Variants in VIPR2 observed in about 807,000 individuals in gnomAD.
VIPR2 encodes vasoactive intestinal polypeptide receptor 2.
A neutral mutation model predicts 58.0 loss-of-function variants in VIPR2; 48 were observed. That is an observed-to-expected ratio of 0.83 (90% CI 0.66 to 1.05). The LOEUF (loss-of-function observed/expected upper bound fraction) is 1.05, where lower values mean the gene tolerates loss of function less well. Ranked by LOEUF, VIPR2 falls within the 50% of genes least tolerant of loss-of-function variation. VIPR2 has a pLI of 0.00. For missense variants in VIPR2, 534 were observed against 558.0 expected, an observed-to-expected ratio of 0.96 and a Z score of 0.43; for synonymous variants, 243 against 235.2, an observed-to-expected ratio of 1.03 and a Z score of -0.30.
intron 2 of VIPR2, among the ~76,000 whole-genome samples, chr7:159,111,480 G>C (rs1783177024): frequency 6.6e-6 from 1 of 152,090 alleles, no homozygotes; most frequent in African/African-American, 2.4e-5. Context: ...AGGAGTGTGA[G>C]AACAGCCTGG....
chr7:159,030,928 G>GA (rs1302723027), intron 12 of VIPR2, 139 bp from the exon 13 acceptor site: 2 of 1,202,790 alleles, frequency 1.7e-6, no homozygotes, highest in Non-Finnish European at 2.2e-6. Context: ...GACAGAAACA[G>GA]AAACGGCCTT....
intron 4 of VIPR2, among the ~76,000 whole-genome samples, chr7:159,088,748 A>G (rs1857321083): frequency 6.6e-6 from 1 of 152,258 alleles, no homozygotes. Context: ...TGAGCTCCGG[A>G]GTCCATTCAG....
At chr7:159,039,897 G>A (rs530158944) in intron 6 of VIPR2, among the ~76,000 whole-genome samples, 3 of 152,294 alleles carry the variant, frequency 2.0e-5, no homozygotes, top group Admixed American at 1.3e-4. Context: ...TGCAGAGCAG[G>A]CCCCATACCA....
At chr7:159,075,738 A>G (rs1484799248) in intron 4 of VIPR2, among the ~76,000 whole-genome samples, 1 of 147,984 alleles carries the variant, frequency 6.8e-6, no homozygotes, top group Admixed American at 6.7e-5. Flanking sequence ...GCACCCACGG[A>G]CCCACTGCAT....
chr7:159,135,621 G>A (rs1425178493), intron 2 of VIPR2, among the ~76,000 whole-genome samples: 4 of 150,590 alleles, frequency 2.7e-5, no homozygotes, highest in Non-Finnish European at 4.4e-5. Context: ...TCAGGAGTTC[G>A]AGACCAGCCT....
At chr7:159,108,557 A>G (rs963481404) in intron 3 of VIPR2, among the ~76,000 whole-genome samples, 5 of 152,190 alleles carry the variant, frequency 3.3e-5, no homozygotes, top group Admixed American at 2.0e-4. Context: ...CCCAAAGCCA[A>G]CTGGGAGTTT....
intron 4 of VIPR2, among the ~76,000 whole-genome samples, chr7:159,088,484 C>T (rs1857304784): frequency 6.6e-6 from 1 of 152,032 alleles, no homozygotes; most frequent in Non-Finnish European, 1.5e-5. Flanking sequence ...CACCGCAGCA[C>T]ACCCGTATAC....
intron 2 of VIPR2, 84 bp downstream of exon 2, chr7:159,142,362 G>C: frequency 1.1e-6 from 1 of 904,152 alleles, no homozygotes; most frequent in Non-Finnish European, 1.7e-6. Flanking sequence ...AGATGCAGGT[G>C]GTGACCCTGA....
intron 4 of VIPR2, among the ~76,000 whole-genome samples, chr7:159,070,284 C>T (rs138042033): frequency 0.023 from 3,488 of 152,242 alleles, 147 homozygotes; most frequent in African/African-American, 0.08. Context: ...ACGGAGGACT[C>T]CGCACACGAC....
intron 1 of VIPR2, 40 bp downstream of exon 1, chr7:159,144,681 G>A (rs1797619106): frequency 8.2e-6 from 11 of 1,342,296 alleles, no homozygotes; most frequent in Middle Eastern, 2.7e-4. Flanking sequence ...GGAGAACCGG[G>A]TCCGAGGCGC....
intron 2 of VIPR2, among the ~76,000 whole-genome samples, chr7:159,118,460 G>C (rs1398880880): frequency 6.6e-6 from 1 of 152,204 alleles, no homozygotes; most frequent in African/African-American, 2.4e-5. Flanking sequence ...CAAGGCGGGA[G>C]AACAGCGTGC....
chr7:159,118,859 G>A (rs927685487), intron 2 of VIPR2, among the ~76,000 whole-genome samples: 4 of 152,358 alleles, frequency 2.6e-5, no homozygotes, highest in South Asian at 4.1e-4. Context: ...CTGCTGTTCC[G>A]AGTGCACAGA....
intron 4 of VIPR2, chr7:159,059,098 T>C: frequency 2.6e-6 from 1 of 377,610 alleles, no homozygotes. Flanking sequence ...TTAACATTTC[T>C]TGGTTTAGCA....
chr7:159,128,192 C>G lies in VIPR2; in HGVS notation c.151+14254G>C, dbSNP rs550616478. On this transcript the variant is annotated intron_variant, in intron 2 of 12. Transcript: ENST00000262178. This position sits in a 1 kb window ranked among gnomAD's most constrained non-coding sequence, Gnocchi z 4.1. The stretch of plus-strand genomic sequence containing the variant: ...ACCCCAGCTTAGTCAGGGCCAGCAG[C>G]TGTGCCCAGGGTCCACAGAACGGCC... 1.2e-4 allele frequency among the ~76,000 whole-genome samples: 18 copies of G among 152,258 alleles called. No homozygotes were observed. The highest frequency in any genetic ancestry group is 4.1e-4 in the South Asian group (2 of 4,824).
At chr7:159,076,914 T>C (rs565290834) in intron 4 of VIPR2, among the ~76,000 whole-genome samples, 8 of 152,340 alleles carry the variant, frequency 5.3e-5, no homozygotes, top group African/African-American at 1.9e-4. Context: ...TTTTACAAAA[T>C]TGTGCAAGTC....
chr7:159,087,019 C>T (rs1015606441), intron 4 of VIPR2, among the ~76,000 whole-genome samples: 1 of 152,100 alleles, frequency 6.6e-6, no homozygotes, highest in Non-Finnish European at 1.5e-5. Context: ...ATACGTCTTC[C>T]CAACCAACAA....
rs1222067442 is a variant in VIPR2, at chr7:159,127,850, C to A, written c.151+14596G>T. On this transcript the variant is annotated intron_variant, in intron 2 of 12. Transcript: ENST00000262178. The surrounding 1 kb of genome is among the most constrained non-coding windows in gnomAD (Gnocchi z 4.6). The stretch of plus-strand genomic sequence containing the variant: ...CACGGCTCGGATGCTGCTGGGGCCG[C>A]AGGGGCTTAGGGCTGGGGCCACGCG... Among the ~76,000 whole-genome samples the A allele has an allele frequency of 2.6e-5, 4 of 152,122 alleles. No individual in the cohort carries two copies. Among genetic ancestry groups the A allele is most frequent in the African/African-American group, 9.7e-5 (4 of 41,408 alleles).
At position 159,095,717 on chromosome 7, in the gene VIPR2, G is replaced by A. The variant is rs929671714; in HGVS notation, c.357+8040C>T. 6.6e-6 allele frequency among the ~76,000 whole-genome samples: 1 copy of A among 152,108 alleles called. No homozygotes were observed. The highest frequency in any genetic ancestry group is 2.4e-5 in the African/African-American group (1 of 41,422). On this transcript the variant is annotated intron_variant, in intron 4 of 12. Transcript: ENST00000262178. The surrounding 1 kb of genome is among the most constrained non-coding windows in gnomAD (Gnocchi z 5.2). Reference sequence around the variant, plus strand: ...TTATCCAGCCCACGGTGGTCTCCACGAGCCCCTGCTCCTGTCCAGGCTCCA... The same window carrying A: ...TTATCCAGCCCACGGTGGTCTCCACAAGCCCCTGCTCCTGTCCAGGCTCCA...
rs769343918 is a variant in VIPR2 at position 159,097,428 on chromosome 7, G to A, written c.357+6329C>T. 2.2e-4 allele frequency among the ~76,000 whole-genome samples: 33 copies of A among 152,098 alleles called. No homozygotes were observed. The highest frequency in any genetic ancestry group is 4.0e-4 in the Non-Finnish European group (27 of 68,014). The stretch of plus-strand genomic sequence containing the variant: ...AAGACTTACGGGAGCCGGCCCCCTC[G>A]CGTGCCCACCACGGTGTGCTGCTGA... On this transcript the variant is annotated intron_variant, in intron 4 of 12. Coordinates refer to ENST00000262178, the MANE Select transcript of VIPR2 (RefSeq NM_003382.5). This position sits in a 1 kb window ranked among gnomAD's most constrained non-coding sequence, Gnocchi z 5.3.
Sources: gnomAD v4.1 joint callset for allele counts (sites outside exome capture counted in the v4.1 genomes callset) on GRCh38, gnomAD v4.1.1 for gene constraint, Gnocchi (gnomAD v3.1) non-coding constraint, MANE v1.5 for transcripts, NCBI Gene and HGNC (gene_info 2026-07-23, HGNC 2026-07-21) for gene names.